TAF13: variants seen among roughly 807,000 people sequenced by gnomAD.
TAF13 encodes transcription initiation factor TFIID subunit 13.
TAF13 carries 9 observed loss-of-function variants against 18.7 expected under a neutral mutation model. The ratio of observed to expected loss-of-function variants is 0.48; its 90% CI spans 0.29 to 0.84. The LOEUF (loss-of-function observed/expected upper bound fraction) is 0.84, where lower values mean the gene tolerates loss of function less well. Ranked by LOEUF, TAF13 falls within the 40% of genes least tolerant of loss-of-function variation. The pLI, the probability that TAF13 is intolerant of heterozygous loss-of-function variation, is 0.08. For missense variants in TAF13, 105 were observed against 146.5 expected, an observed-to-expected ratio of 0.72 and a Z score of 1.46; for synonymous variants, 49 against 44.1, an observed-to-expected ratio of 1.11 and a Z score of -0.44.
intron 2 of TAF13, among the ~76,000 whole-genome samples, chr1:109,067,337 T>A (rs1177773088): frequency 6.6e-6 from 1 of 151,228 alleles, no homozygotes; most frequent in East Asian, 2.0e-4. Context: ...GGATGGTGGC[T>A]CACGCCTGTA....
At chr1:109,068,905 G>A (rs1455785757) in intron 2 of TAF13, among the ~76,000 whole-genome samples, 1 of 152,156 alleles carries the variant, frequency 6.6e-6, no homozygotes, top group Non-Finnish European at 1.5e-5. Context: ...GGGAGGCTGA[G>A]GCAGGAGAAT....
In TAF13 at chr1:109,075,021, T is replaced by C. The variant is rs367772539; in HGVS notation, c.72A>G (p.Gly24=). The C allele has an allele frequency of 4.3e-6, 7 of 1,610,042 alleles. No homozygotes were observed. Among genetic ancestry groups the C allele is most frequent in the Non-Finnish European group, 5.1e-6 (6 of 1,178,960 alleles). ...NEEIGGGAEG[G]QGKRKRLFSK... ...AAAAAAGTCTCTTTCTTTTACCCTG[T>C]CCACCTTCTGCACCTCCTCCAATTT... Residue 24 remains glycine (G), a synonymous_variant, in exon 2 of 4, where the codon GGA becomes GGG. Coordinates refer to ENST00000338366, the MANE Select transcript of TAF13 (RefSeq NM_005645.4).
In TAF13 at chr1:109,074,993, T is replaced by C. The variant is rs772665212; in HGVS notation, c.100A>G (p.Lys34Glu). ...ATTGTCAAATACTACTTACATTCTT[T>C]AGAAAAAAGTCTCTTTCTTTTACCC... Reference protein sequence around the residue: ...GQGKRKRLFSKELRCMMYGFG... With the variant: ...GQGKRKRLFSEELRCMMYGFG... Residue 34 changes from lysine to glutamate, a missense_variant, in exon 2 of 4, where the codon AAA becomes GAA. Physicochemically the swap from Lys to Glu is moderately conservative, Grantham distance 56. Transcript: ENST00000338366. 1 of 1,595,068 alleles carries C rather than the reference T, an allele frequency of 6.3e-7. No individual in the cohort carries two copies. Among genetic ancestry groups the C allele is most frequent in the Non-Finnish European group, 8.5e-7 (1 of 1,175,054 alleles).
At chr1:109,065,203 G>C (rs182490098) in intron 3 of TAF13, among the ~76,000 whole-genome samples, 16 of 152,166 alleles carry the variant, frequency 1.1e-4, no homozygotes, top group African/African-American at 3.1e-4. Flanking sequence ...TAATAATACG[G>C]CATTGAGCCA....
rs372205972 is a variant in TAF13 at position 109,075,210 on chromosome 1, T to C, written c.28-145A>G. ...AAAAAAAACCACGAAACCTTAGCAT[T>C]GAAGGAGCCTATGTATCTAGTCCAA... On this transcript the variant is annotated intron_variant, in intron 1 of 3. Transcript: ENST00000338366. 1.4e-4 allele frequency: 97 copies of C among 675,776 alleles called. No individual in the cohort carries two copies. The East Asian group carries it at 2.4e-3, about 17-fold the overall frequency. 41.9% of individuals were successfully genotyped at this position (675,776 alleles called of 1,614,324 possible).
At chr1:109,073,866 C>T (rs542480328) in intron 2 of TAF13, among the ~76,000 whole-genome samples, 6 of 152,206 alleles carry the variant, frequency 3.9e-5, no homozygotes, top group East Asian at 3.9e-4. Flanking sequence ...CCGGCCGCCC[C>T]GTCTGGGATG....
In TAF13 at chr1:109,075,111, CATTTGAT is replaced by C. The variant is rs746790934; in HGVS notation, c.28-53_28-47del. ...ATAGAAATGTCAAATAATTGCCTTGCATTTGATATTTTAATAATGACATTTTTTTTTC... is the reference window on the plus strand; with the variant it reads ...ATAGAAATGTCAAATAATTGCCTTGCATTTTAATAATGACATTTTTTTTTC... On this transcript the variant is annotated intron_variant, in intron 1 of 3. Coordinates refer to ENST00000338366, the MANE Select transcript of TAF13 (RefSeq NM_005645.4). 48 of 1,445,770 alleles carry C rather than the reference CATTTGAT, an allele frequency of 3.3e-5. No homozygotes were observed. In the South Asian group the frequency reaches 5.8e-4, roughly 17 times the overall value. The allele number at this position is 1,445,770 out of a possible 1,614,324, so 89.6% of individuals were successfully genotyped here. A position where few individuals can be genotyped will look rare whatever the true frequency, so the allele number is the denominator to read the frequency against.
intron 2 of TAF13, among the ~76,000 whole-genome samples, chr1:109,069,317 T>C (rs1186965743): frequency 2.0e-5 from 3 of 152,182 alleles, no homozygotes. Context: ...ATCCCAGATA[T>C]AAAATGGCAT....
At chr1:109,074,317 A>G (rs1664141453) in intron 2 of TAF13, among the ~76,000 whole-genome samples, 1 of 152,278 alleles carries the variant, frequency 6.6e-6, no homozygotes, top group South Asian at 2.1e-4. Context: ...GTGTCCCCTC[A>G]GGGTTAAATG....
intron 3 of TAF13, among the ~76,000 whole-genome samples, chr1:109,065,154 G>A (rs1663930884): frequency 6.6e-6 from 1 of 152,070 alleles, no homozygotes; most frequent in African/African-American, 2.4e-5. Context: ...ACCTATCACA[G>A]CATTATTTCT....
intron 2 of TAF13, among the ~76,000 whole-genome samples, chr1:109,071,443 GA>G (rs1164517886): frequency 0.072 from 8,970 of 124,696 alleles, 286 homozygotes; most frequent in African/African-American, 0.098. Context: ...TCCATCTCAG[GA>G]AAAAAAAAAA....
At chr1:109,072,121 C>CAT (rs1206553272) in intron 2 of TAF13, among the ~76,000 whole-genome samples, 13 of 4,684 alleles carry the variant, frequency 2.8e-3, no homozygotes, top group African/African-American at 9.6e-3. Flanking sequence ...TATATACACA[C>CAT]ATATATATAT....
intron 2 of TAF13, among the ~76,000 whole-genome samples, chr1:109,068,124 A>G (rs181701474): frequency 6.6e-6 from 1 of 152,186 alleles, no homozygotes; most frequent in East Asian, 1.9e-4. Flanking sequence ...ACATGCCACT[A>G]TGCCTGGCTA....
rs757652728 is a variant in TAF13 at position 109,075,977 on chromosome 1, G to A, written c.-30C>T. 3.1e-6 allele frequency: 5 copies of A among 1,614,158 alleles called. No homozygotes were observed. Among genetic ancestry groups the A allele is most frequent in the Non-Finnish European group, 4.2e-6 (5 of 1,180,034 alleles). On this transcript the variant is annotated 5_prime_UTR_variant, in exon 1 of 4. Coordinates refer to ENST00000338366, the MANE Select transcript of TAF13 (RefSeq NM_005645.4). ...CTAGCACGCCAACTCACAGCGTCCT[G>A]CCGGCTGGCTCCCAGCTGGTTACAC...
intron 3 of TAF13, 86 bp downstream of exon 3, chr1:109,066,049 G>T: frequency 9.2e-7 from 1 of 1,084,500 alleles, no homozygotes; most frequent in Admixed American, 2.4e-5. Flanking sequence ...ATTTCAAAGG[G>T]ATGCCATAAG....
chr1:109,071,959 TATATATATATATATATACAC>T (rs1664064604), intron 2 of TAF13, among the ~76,000 whole-genome samples: 1 of 6,950 alleles, frequency 1.4e-4, no homozygotes, highest in Non-Finnish European at 2.9e-4. Context: ...AAAAAGAAAA[TATATATATATATATATACAC>T]ACATATATAT....
chr1:109,065,921 C>CAAA (rs35972596), intron 3 of TAF13, among the ~76,000 whole-genome samples: 1 of 86,546 alleles, frequency 1.2e-5, no homozygotes, highest in African/African-American at 4.0e-5. Flanking sequence ...AACTCCATCT[C>CAAA]AAAAAAAAAA....
At chr1:109,072,640 T>A (rs1261959534) in intron 2 of TAF13, among the ~76,000 whole-genome samples, 1 of 152,028 alleles carries the variant, frequency 6.6e-6, no homozygotes, top group Non-Finnish European at 1.5e-5. Flanking sequence ...AGAGAGGGTT[T>A]CACTATGTTG....
At chr1:109,072,757 T>A (rs796690476) in intron 2 of TAF13, among the ~76,000 whole-genome samples, 10 of 143,372 alleles carry the variant, frequency 7.0e-5, no homozygotes, top group African/African-American at 2.6e-4. Context: ...CATGTCACTA[T>A]AATGCCTTAC....
Sources: gnomAD v4.1 joint callset for allele counts (sites outside exome capture counted in the v4.1 genomes callset) on GRCh38, gnomAD v4.1.1 for gene constraint, MANE v1.5 for transcripts, NCBI Gene and HGNC (gene_info 2026-07-23, HGNC 2026-07-21) for gene names.